Variants in ADGRL2 observed in about 807,000 individuals in gnomAD.
ADGRL2 encodes the protein calcium-independent alpha-latrotoxin receptor 2.
ADGRL2 carries 44 observed loss-of-function variants against 157.4 expected under a neutral mutation model. The ratio of observed to expected loss-of-function variants is 0.28; its 90% CI spans 0.22 to 0.36. The LOEUF is 0.36. Among genes scored for constraint, ADGRL2 ranks in the 10% least tolerant of loss-of-function variants. The pLI is 1.00. For synonymous variants in ADGRL2, 585 were observed against 624.7 expected (o/e 0.94, Z 0.95); for missense variants, 1,510 against 1,768.9 (o/e 0.85, Z 2.63).
chr1:81,616,679 C>CTTTTTTTTTTTTTTTTTTT lies in ADGRL2; in HGVS notation c.-143+35714_-143+35715insTTTTTTTTTTTTTTTTTTT, dbSNP rs1164087131. On this transcript the variant is annotated intron_variant, in intron 3 of 24. Coordinates refer to the ADGRL2 transcript ENST00000370721. ...TTTTTCTTTTCTTTTCTTTTCTTTT[C>CTTTTTTTTTTTTTTTTTTT]TTTTTTTTTTTTTTTGAGACAGGGT... Among the ~76,000 whole-genome samples, 24 of 105,966 alleles carry CTTTTTTTTTTTTTTTTTTT rather than the reference C, an allele frequency of 2.3e-4. 2 individuals are homozygous for CTTTTTTTTTTTTTTTTTTT. Among genetic ancestry groups the CTTTTTTTTTTTTTTTTTTT allele is most frequent in the African/African-American group, 5.2e-4 (14 of 26,700 alleles). 69.5% of individuals were successfully genotyped at this position (105,966 alleles called of 152,430 possible).
intron 3 of ADGRL2, among the ~76,000 whole-genome samples, chr1:81,598,403 T>A (rs1457806166): frequency 2.0e-5 from 3 of 152,162 alleles, no homozygotes; most frequent in Non-Finnish European, 4.4e-5. Context: ...GTGAAAAAAA[T>A]ATTCTTTCTA....
At chr1:81,910,920 C>T (rs189672729) in intron 3 of ADGRL2, among the ~76,000 whole-genome samples, 1 of 151,510 alleles carries the variant, frequency 6.6e-6, no homozygotes, top group East Asian at 1.9e-4. Flanking sequence ...ATTTGAAAGC[C>T]CCCCTTCCTT....
intron 3 of ADGRL2, among the ~76,000 whole-genome samples, chr1:81,637,577 A>G (rs2082138612): frequency 6.6e-6 from 1 of 152,218 alleles, no homozygotes; most frequent in South Asian, 2.1e-4. Flanking sequence ...GGTGGGGAAT[A>G]AATATTTAAT....
chr1:81,864,356 CTGATTTAGAAAAAAA>C (rs67219356), intron 2 of ADGRL2, among the ~76,000 whole-genome samples: 11,669 of 152,040 alleles, frequency 0.077, 533 homozygotes, highest in South Asian at 0.16. Context: ...GGACCTATTT[CTGATTTAGAAAAAAA>C]TTGATTGTAA....
intron 2 of ADGRL2, among the ~76,000 whole-genome samples, chr1:81,509,633 G>A (rs2079040114): frequency 6.6e-6 from 1 of 152,166 alleles, no homozygotes. Context: ...ACATGAATGA[G>A]AAAAGGCCCC....
intron 1 of ADGRL2, among the ~76,000 whole-genome samples, chr1:81,374,223 A>G (rs1302374115): frequency 4.6e-5 from 7 of 152,218 alleles, no homozygotes; most frequent in Non-Finnish European, 1.5e-5. Flanking sequence ...TAAAGCACAC[A>G]ACAAAGCCCC....
chr1:81,920,090 C>T (rs1012801954), intron 3 of ADGRL2, among the ~76,000 whole-genome samples: 4 of 151,954 alleles, frequency 2.6e-5, no homozygotes, highest in African/African-American at 9.7e-5. Context: ...GCCAAATAGC[C>T]GAGAGGTCTA....
chr1:81,333,557 A>T (rs1299554127), intron 1 of ADGRL2, among the ~76,000 whole-genome samples: 1 of 152,096 alleles, frequency 6.6e-6, no homozygotes, highest in Non-Finnish European at 1.5e-5. Context: ...CTGGGATTAC[A>T]GGCACCTGCC....
intron 1 of ADGRL2, among the ~76,000 whole-genome samples, chr1:81,380,607 C>T (rs2076327458): frequency 6.6e-6 from 1 of 152,068 alleles, no homozygotes; most frequent in South Asian, 2.1e-4. Context: ...TATCCAATAC[C>T]ATTTTTGACT....
At chr1:81,426,289 T>C (rs961390387) in intron 1 of ADGRL2, among the ~76,000 whole-genome samples, 1 of 152,140 alleles carries the variant, frequency 6.6e-6, no homozygotes, top group African/African-American at 2.4e-5. Flanking sequence ...GTGGCCTATT[T>C]ACAGGGGAGG....
At chr1:81,621,856 ATGC>A (rs74906310) in intron 3 of ADGRL2, among the ~76,000 whole-genome samples, 39,944 of 151,952 alleles carry the variant, frequency 0.26, 6,658 homozygotes, top group African/African-American at 0.46. Flanking sequence ...GGGCAAAGTC[ATGC>A]TGCTATCTGG....
intron 1 of ADGRL2, among the ~76,000 whole-genome samples, chr1:81,444,564 T>A (rs1321635463): frequency 6.6e-6 from 1 of 152,172 alleles, no homozygotes; most frequent in East Asian, 1.9e-4. Flanking sequence ...TTTGGCCTTT[T>A]CCCTCCTATC....
At position 81,936,762 on chromosome 1, in the gene ADGRL2, G is replaced by A; in HGVS notation, c.322G>A (p.Gly108Arg). 1.2e-6 allele frequency: 2 copies of A among 1,611,590 alleles called. No individual in the cohort carries two copies. The highest frequency in any genetic ancestry group is 1.7e-6 in the Non-Finnish European group (2 of 1,178,116). The stretch of plus-strand genomic sequence containing the variant: ...TCGAACACAGTGTATAGTAGTTACT[G>A]GGTCAGATGTGTTTCCTGATCCATG... The part of the protein sequence containing the change: ...NNRTQCIVVT[G>R]SDVFPDPCPG... The change falls in exon 4 of 24, where the codon GGG (glycine) becomes AGG (arginine). Residue 108 changes from glycine to arginine, a missense_variant. Transcript: ENST00000686636.
intron 1 of ADGRL2, among the ~76,000 whole-genome samples, chr1:81,413,254 T>A (rs1209951566): frequency 6.6e-6 from 1 of 152,124 alleles, no homozygotes; most frequent in Non-Finnish European, 1.5e-5. Flanking sequence ...AAGCCTACCG[T>A]CAAGTGTGAA....
intron 1 of ADGRL2, among the ~76,000 whole-genome samples, chr1:81,382,716 G>T (rs959868954): frequency 6.6e-6 from 1 of 152,174 alleles, no homozygotes; most frequent in Middle Eastern, 3.2e-3. Flanking sequence ...AATAGTGACA[G>T]ATGAAGAGAA....
At chr1:81,750,205 A>G (rs2085444454) in intron 1 of ADGRL2, among the ~76,000 whole-genome samples, 1 of 152,212 alleles carries the variant, frequency 6.6e-6, no homozygotes, top group South Asian at 2.1e-4. Context: ...GGGACAAGTA[A>G]GGTGGAAATC....
chr1:81,412,749 T>A (rs1409018892), intron 1 of ADGRL2, among the ~76,000 whole-genome samples: 1 of 152,200 alleles, frequency 6.6e-6, no homozygotes, highest in South Asian at 2.1e-4. Flanking sequence ...TATAGATTTA[T>A]TGATGGATGA....
chr1:81,473,590 A>G (rs760172605), intron 2 of ADGRL2, among the ~76,000 whole-genome samples: 8 of 152,194 alleles, frequency 5.3e-5, no homozygotes, highest in Non-Finnish European at 1.2e-4. Context: ...TTATATTTCT[A>G]CTGAACTGCA....
chr1:81,569,021 A>C (rs1321078545), intron 2 of ADGRL2, among the ~76,000 whole-genome samples: 1 of 152,194 alleles, frequency 6.6e-6, no homozygotes, highest in Non-Finnish European at 1.5e-5. Context: ...TAAAATGTAG[A>C]ATAAAAATTC....
Sources: allele counts gnomAD v4.1 joint callset (sites outside exome capture counted in the v4.1 genomes callset), GRCh38; gene constraint gnomAD v4.1.1; transcripts MANE v1.5; gene names NCBI Gene and HGNC (gene_info 2026-07-23, HGNC 2026-07-21).